Variants in SLC2A12 observed in about 807,000 individuals in gnomAD.
SLC2A12 encodes the protein solute carrier family 2, facilitated glucose transporter member 12.
In SLC2A12, 23 loss-of-function variants were observed where a neutral mutation model predicts 41.8. The observed-to-expected ratio is 0.55, with a 90% CI of 0.40 to 0.78. SLC2A12 has a LOEUF of 0.78. Among genes scored for constraint, SLC2A12 ranks in the 30% least tolerant of loss-of-function variants. The pLI is 0.00. For synonymous variants in SLC2A12, 295 were observed against 285.9 expected (o/e 1.03, Z -0.32); for missense variants, 654 against 745.6 (o/e 0.88, Z 1.43).
intron 4 of SLC2A12, among the ~76,000 whole-genome samples, chr6:133,997,658 G>C (rs1340911017): frequency 6.6e-6 from 1 of 152,134 alleles, no homozygotes; most frequent in Non-Finnish European, 1.5e-5. Flanking sequence ...AGAGGAGAGA[G>C]ATGGAGGTGG....
chr6:134,048,823 G>T (rs1159833038), intron 1 of SLC2A12, among the ~76,000 whole-genome samples: 1 of 152,152 alleles, frequency 6.6e-6, no homozygotes, highest in Non-Finnish European at 1.5e-5. Context: ...ACTAGAATCT[G>T]TCTTCTCACA....
chr6:134,045,409 G>A (rs1434278638), intron 1 of SLC2A12, among the ~76,000 whole-genome samples: 3 of 152,194 alleles, frequency 2.0e-5, no homozygotes. Context: ...CCCAAGACAA[G>A]TCCCTTTGCT....
chr6:134,006,724 A>C lies in SLC2A12; in HGVS notation c.1567+88T>G, dbSNP rs1432872446. On this transcript the variant is annotated intron_variant, in intron 3 of 4. Transcript: ENST00000275230. ...CTTCTAAGTGTGTTTGAAAATTTCC[A>C]CGAAAAAATGGTCTTTAGGTGGGTG... 2.6e-6 allele frequency: 4 copies of C among 1,521,908 alleles called. No homozygotes were observed. The Admixed American group carries it at 5.9e-5, about 23-fold the overall frequency. The allele number at this position is 1,521,908 out of a possible 1,614,324, so 94.3% of individuals were successfully genotyped here.
intron 2 of SLC2A12, among the ~76,000 whole-genome samples, chr6:134,019,622 A>G (rs1777014596): frequency 6.6e-6 from 1 of 152,244 alleles, no homozygotes; most frequent in Non-Finnish European, 1.5e-5. Context: ...AGCTACAGAA[A>G]AATGGAAGGG....
At position 134,002,006 on chromosome 6, in the gene SLC2A12, A is replaced by G. The variant is rs1470911322; in HGVS notation, c.1691T>C (p.Leu564Pro). The change falls in exon 4 of 5, where the codon CTA (leucine) becomes CCA (proline). Residue 564 changes from leucine to proline, a missense_variant. Leu to Pro is a moderately conservative substitution (Grantham distance 98). Coordinates refer to ENST00000275230, the MANE Select transcript of SLC2A12 (RefSeq NM_145176.3). ...GCSLEQISME[L>P]AKVNYVKNNI... is the part of the protein sequence containing the mutation. The stretch of plus-strand genomic sequence containing the variant: ...TGCATGTAATACTTACACTTTTGCT[A>G]GCTCCATTGATATTTGTTCCAAAGA... 1.2e-6 allele frequency: 2 copies of G among 1,609,372 alleles called. No individual in the cohort carries two copies. Among genetic ancestry groups the G allele is most frequent in the South Asian group, 1.1e-5 (1 of 90,130 alleles).
At chr6:134,049,257 T>G (rs1272201873) in intron 1 of SLC2A12, among the ~76,000 whole-genome samples, 2 of 152,194 alleles carry the variant, frequency 1.3e-5, no homozygotes, top group Admixed American at 1.3e-4. Flanking sequence ...TGGGTCCCAG[T>G]GCCAGAGAGT....
intron 4 of SLC2A12, among the ~76,000 whole-genome samples, chr6:134,000,433 G>A (rs1335744165): frequency 6.6e-6 from 1 of 152,122 alleles, no homozygotes; most frequent in Non-Finnish European, 1.5e-5. Context: ...CACCTATCAG[G>A]TTTATTCTTC....
rs535665025 is a variant in SLC2A12 at position 134,007,081 on chromosome 6, C to T, written c.1445-147G>A. ...CATTTCCTACCTCAGCAGAACAGGA[C>T]AGTAAAGGGACGTGCTGCCTCCTCA... On this transcript the variant is annotated intron_variant, in intron 2 of 4. Transcript: ENST00000275230. The T allele has an allele frequency of 1.1e-4, 129 of 1,136,724 alleles. No homozygotes were observed. The African/African-American group carries it at 1.7e-3, about 15-fold the overall frequency. The allele number at this position is 1,136,724 out of a possible 1,614,324, so 70.4% of individuals were successfully genotyped here.
Position 134,004,992 on chromosome 6 carries a change from G to A in SLC2A12, c.1567+1820C>T, listed in dbSNP as rs148275740. ...AAAAATGACATGTAAATCTCCTCAA[G>A]CCTCTATCGTTTTTAAAAAAATAAA... On this transcript the variant is annotated intron_variant, in intron 3 of 4. Coordinates refer to ENST00000275230, the MANE Select transcript of SLC2A12 (RefSeq NM_145176.3). Among the ~76,000 whole-genome samples, 35 of 152,218 alleles carry A rather than the reference G, an allele frequency of 2.3e-4. 1 individual carries two copies. In the South Asian group the frequency reaches 2.7e-3, roughly 12 times the overall value.
At chr6:133,996,374 G>A (rs566564493) in intron 4 of SLC2A12, among the ~76,000 whole-genome samples, 3 of 152,326 alleles carry the variant, frequency 2.0e-5, no homozygotes, top group Admixed American at 6.5e-5. Context: ...TTTGTAGCTT[G>A]CAAGGCAGAA....
At chr6:134,017,233 C>G (rs1345108101) in intron 2 of SLC2A12, among the ~76,000 whole-genome samples, 1 of 152,112 alleles carries the variant, frequency 6.6e-6, no homozygotes, top group African/African-American at 2.4e-5. Flanking sequence ...CTTGCATACT[C>G]AATTTAGTAG....
chr6:134,051,844 G>T (rs1773688118), intron 1 of SLC2A12, among the ~76,000 whole-genome samples: 1 of 152,164 alleles, frequency 6.6e-6, no homozygotes, highest in Admixed American at 6.5e-5. Flanking sequence ...AATTTAAAAA[G>T]GAAGTTTGTG....
chr6:134,002,365 C>T (rs1161293963), intron 3 of SLC2A12, among the ~76,000 whole-genome samples: 1 of 152,092 alleles, frequency 6.6e-6, no homozygotes, highest in East Asian at 1.9e-4. Context: ...TCACAATTTA[C>T]ACCCAATGTC....
chr6:133,993,618 C>T (rs994800477), intron 4 of SLC2A12, among the ~76,000 whole-genome samples: 1 of 152,192 alleles, frequency 6.6e-6, no homozygotes, highest in African/African-American at 2.4e-5. Context: ...AAGAGATAGA[C>T]AGTAGACCAA....
intron 2 of SLC2A12, among the ~76,000 whole-genome samples, chr6:134,017,102 G>A (rs773931427): frequency 1.3e-5 from 2 of 152,068 alleles, no homozygotes; most frequent in Non-Finnish European, 2.9e-5. Flanking sequence ...CTCATATTTG[G>A]AGAAAAACAT....
intron 2 of SLC2A12, among the ~76,000 whole-genome samples, chr6:134,024,551 C>T (rs1389916583): frequency 6.6e-6 from 1 of 152,246 alleles, no homozygotes; most frequent in Non-Finnish European, 1.5e-5. Flanking sequence ...TAATTCCCTG[C>T]TGCAATTGCT....
chr6:134,047,536 T>C (rs1364884485), intron 1 of SLC2A12, among the ~76,000 whole-genome samples: 1 of 152,230 alleles, frequency 6.6e-6, no homozygotes. Flanking sequence ...CTTCGGCTGC[T>C]CCAAGGTAGA....
intron 2 of SLC2A12, among the ~76,000 whole-genome samples, chr6:134,024,623 C>T (rs13205743): frequency 0.01 from 1,527 of 152,312 alleles, 11 homozygotes; most frequent in Middle Eastern, 0.027. Context: ...TGACTGCACT[C>T]GTGCATTTTT....
At position 134,029,344 on chromosome 6, in the gene SLC2A12, G is replaced by A. The variant is rs1209418398; in HGVS notation, c.481C>T (p.Gln161Ter). The change falls in exon 2 of 5, where the codon CAA becomes TAA. Residue 161 changes from glutamine (Q) to a stop codon, truncating the protein, a stop_gained. Transcript: ENST00000275230. LOFTEE classifies it high-confidence loss of function. ...TCVYIAEIAP[Q>*]HRRGLLVSLN... ...GACACAAGAAGGCCTCTTCTGTGTT[G>A]AGGAGCAATCTCTGCGATGTAAACA... 3 of 1,614,194 alleles carry A rather than the reference G, an allele frequency of 1.9e-6. No individual in the cohort carries two copies. The highest frequency in any genetic ancestry group is 1.7e-6 in the Non-Finnish European group (2 of 1,180,036).
Sources: allele counts gnomAD v4.1 joint callset (sites outside exome capture counted in the v4.1 genomes callset), GRCh38; gene constraint gnomAD v4.1.1; transcripts MANE v1.5; gene names NCBI Gene and HGNC (gene_info 2026-07-23, HGNC 2026-07-21).